The following DPP10 variants were observed in gnomAD, a reference collection of about 807,000 sequenced individuals.
DPP10 encodes inactive dipeptidyl peptidase 10.
Under a neutral mutation model 120.9 loss-of-function variants are expected in DPP10, and 33 were observed. The ratio of observed to expected loss-of-function variants is 0.27; its 90% CI spans 0.21 to 0.37. The LOEUF is 0.37. Ranked by LOEUF, DPP10 falls within the 10% of genes least tolerant of loss-of-function variation. The pLI is 1.00. For synonymous variants in DPP10, 337 were observed against 326.1 expected (o/e 1.03, Z -0.36); for missense variants, 816 against 942.8 (o/e 0.87, Z 1.76).
chr2:114,644,962 T>C (rs1696006310), intron 1 of DPP10, among the ~76,000 whole-genome samples: 1 of 151,968 alleles, frequency 6.6e-6, no homozygotes, highest in African/African-American at 2.4e-5. Context: ...CCTTCTGCTG[T>C]TCAGTCATCA....
At chr2:114,582,904 C>T (rs888445354) in intron 1 of DPP10, among the ~76,000 whole-genome samples, 4 of 152,094 alleles carry the variant, frequency 2.6e-5, no homozygotes, top group Non-Finnish European at 5.9e-5. Context: ...GACTTGTGTA[C>T]GTCCTTATTA....
chr2:114,994,413 T>C (rs1283655270), intron 1 of DPP10, among the ~76,000 whole-genome samples: 2 of 152,196 alleles, frequency 1.3e-5, no homozygotes, highest in Non-Finnish European at 2.9e-5. Flanking sequence ...CTCCAAAACA[T>C]TGTGAAGCTG....
chr2:115,383,270 G>T (rs982828467), intron 3 of DPP10, among the ~76,000 whole-genome samples: 1 of 152,184 alleles, frequency 6.6e-6, no homozygotes, highest in Non-Finnish European at 1.5e-5. Flanking sequence ...CTGTTCTCAT[G>T]ATAGTGAATA....
At chr2:115,625,248 C>T (rs2085268473) in intron 5 of DPP10, among the ~76,000 whole-genome samples, 1 of 151,922 alleles carries the variant, frequency 6.6e-6, no homozygotes, top group Admixed American at 6.6e-5. Flanking sequence ...TTTGGATTCA[C>T]AATATTATCT....
chr2:114,551,495 C>T (rs560997638), intron 1 of DPP10, among the ~76,000 whole-genome samples: 1 of 152,310 alleles, frequency 6.6e-6, no homozygotes, highest in South Asian at 2.1e-4. Context: ...ATTCCTTTCC[C>T]AGGTACTTTG....
chr2:114,451,165 T>C (rs2104536480), intron 1 of DPP10, among the ~76,000 whole-genome samples: 1 of 151,992 alleles, frequency 6.6e-6, no homozygotes, highest in South Asian at 2.1e-4. Context: ...TGATCAAGGA[T>C]GGACAGCTAT....
At chr2:115,654,047 C>T (rs530010605) in intron 5 of DPP10, among the ~76,000 whole-genome samples, 26 of 151,874 alleles carry the variant, frequency 1.7e-4, no homozygotes, top group Admixed American at 1.4e-3. Context: ...AGCCCTACAA[C>T]GTTCTTTTTA....
intron 3 of DPP10, among the ~76,000 whole-genome samples, chr2:115,498,180 T>C (rs7572326): frequency 3.1e-4 from 47 of 152,176 alleles, no homozygotes; most frequent in African/African-American, 1.0e-3. Flanking sequence ...GTGATTAAGG[T>C]CAAGAACTAC....
chr2:115,276,096 A>T lies in DPP10; in HGVS notation c.61-33143A>T, dbSNP rs2059910983. 2.0e-5 allele frequency among the ~76,000 whole-genome samples: 3 copies of T among 152,040 alleles called. No homozygotes were observed. In the South Asian group the frequency reaches 6.2e-4, roughly 31 times the overall value. Reference sequence around the variant, plus strand: ...GCCCACCCTTTCTTTTTCCGGATGGATATGTGGAGAGAACAATTATAGTTC... The same window carrying T: ...GCCCACCCTTTCTTTTTCCGGATGGTTATGTGGAGAGAACAATTATAGTTC... On this transcript the variant is annotated intron_variant, in intron 1 of 25. Coordinates refer to ENST00000410059, the MANE Select transcript of DPP10 (RefSeq NM_020868.6).
rs1212190142 is a variant in DPP10, at chr2:115,469,884, GA to G, written c.272-29611del. 4.6e-3 allele frequency among the ~76,000 whole-genome samples: 351 copies of G among 75,570 alleles called. 3 individuals carry two copies. Among genetic ancestry groups the G allele is most frequent in the African/African-American group, 0.014 (279 of 19,830 alleles). 49.6% of individuals were successfully genotyped at this position (75,570 alleles called of 152,430 possible). A position where few individuals can be genotyped will look rare whatever the true frequency, so the allele number is the denominator to read the frequency against. On this transcript the variant is annotated intron_variant, in intron 3 of 25. Transcript: ENST00000410059. ...TTGCACTCCAGCCTGGGCAACAAGA[GA>G]AAAAAAAAAAAAAAGAAAAAAAAAA...
chr2:115,546,312 T>C (rs894220327), intron 5 of DPP10, among the ~76,000 whole-genome samples: 1 of 152,162 alleles, frequency 6.6e-6, no homozygotes, highest in Admixed American at 6.6e-5. Context: ...ATTACGTATG[T>C]ATACGTAAGT....
At chr2:115,491,584 C>T (rs1187710686) in intron 3 of DPP10, among the ~76,000 whole-genome samples, 1 of 151,834 alleles carries the variant, frequency 6.6e-6, no homozygotes, top group East Asian at 1.9e-4. Flanking sequence ...TCTCTTCAGC[C>T]AGGAGGAGGG....
At position 115,252,508 on chromosome 2, in the gene DPP10, G is replaced by A. The variant is rs759989538; in HGVS notation, c.61-56731G>A. On this transcript the variant is annotated intron_variant, in intron 1 of 25. Transcript: ENST00000410059. ...CCTAGTTTAACTCAGATATACCAAT[G>A]CCTCATTATGTTTGTTAACTCTATT... 4.8e-4 allele frequency among the ~76,000 whole-genome samples: 73 copies of A among 152,212 alleles called. 1 individual carries two copies. The highest frequency in any genetic ancestry group is 3.4e-3 in the Middle Eastern group (1 of 294).
At chr2:115,737,679 G>A (rs1026558451) in intron 8 of DPP10, among the ~76,000 whole-genome samples, 3 of 152,140 alleles carry the variant, frequency 2.0e-5, no homozygotes, top group Non-Finnish European at 4.4e-5. Flanking sequence ...CTCAGAACTA[G>A]CAGTTTTACA....
At chr2:115,253,693 C>T (rs1025652770) in intron 1 of DPP10, among the ~76,000 whole-genome samples, 3 of 152,228 alleles carry the variant, frequency 2.0e-5, no homozygotes, top group Non-Finnish European at 4.4e-5. Context: ...TGTCCCACAT[C>T]CAAGGCACAC....
At chr2:115,342,127 AT>A (rs2063476967) in intron 2 of DPP10, 2 of 453,936 alleles carry the variant, frequency 4.4e-6, no homozygotes, top group South Asian at 3.1e-5. Context: ...TCTGTGAGAC[AT>A]TTCCTTTCTT....
At chr2:115,631,370 T>G (rs1160964099) in intron 5 of DPP10, among the ~76,000 whole-genome samples, 1 of 152,100 alleles carries the variant, frequency 6.6e-6, no homozygotes, top group African/African-American at 2.4e-5. Context: ...CAAACTGGAT[T>G]CATTGATTTT....
At chr2:115,566,024 C>T (rs2080989538) in intron 5 of DPP10, among the ~76,000 whole-genome samples, 2 of 151,858 alleles carry the variant, frequency 1.3e-5, no homozygotes, top group African/African-American at 2.4e-5. Context: ...TGACCTCAGG[C>T]GATCAGCCCG....
At chr2:115,381,116 G>C (rs531559389) in intron 3 of DPP10, among the ~76,000 whole-genome samples, 20 of 152,230 alleles carry the variant, frequency 1.3e-4, no homozygotes, top group African/African-American at 4.6e-4. Context: ...CTAAATTGGG[G>C]AAATTCTCCT....
Sources: allele counts gnomAD v4.1 joint callset (sites outside exome capture counted in the v4.1 genomes callset), GRCh38; gene constraint gnomAD v4.1.1; transcripts MANE v1.5; gene names NCBI Gene and HGNC (gene_info 2026-07-23, HGNC 2026-07-21).